Variants in PCDH7 observed in about 807,000 individuals in gnomAD.
PCDH7 encodes protocadherin-7.
Under a neutral mutation model 58.9 loss-of-function variants are expected in PCDH7, and 17 were observed. The observed-to-expected ratio is 0.29, with a 90% confidence interval of 0.20 to 0.43. The LOEUF (loss-of-function observed/expected upper bound fraction) is 0.43, where lower values mean the gene tolerates loss of function less well. Among genes scored for constraint, PCDH7 ranks in the 20% least tolerant of loss-of-function variants. PCDH7 has a pLI of 1.00. For missense variants in PCDH7, 1,274 were observed against 1,441.0 expected, an observed-to-expected ratio of 0.88 and a Z score of 1.88; for synonymous variants, 664 against 616.4, an observed-to-expected ratio of 1.08 and a Z score of -1.14.
intron 1 of PCDH7, among the ~76,000 whole-genome samples, chr4:30,861,432 A>T (rs2109354435): frequency 6.6e-6 from 1 of 152,298 alleles, no homozygotes; most frequent in Non-Finnish European, 1.5e-5. Flanking sequence ...AAATAGTTAT[A>T]TGCACAATGT....
intron 1 of PCDH7, 40 bp from the exon 2 acceptor site, chr4:30,920,113 T>G (rs1742990530): frequency 7.5e-7 from 1 of 1,327,434 alleles, no homozygotes; most frequent in Admixed American, 1.9e-5. Context: ...TCATTTACAA[T>G]CTTACATCGT....
chr4:30,733,937 T>C (rs182780545), downstream of PCDH7, among the ~76,000 whole-genome samples: 7 of 152,322 alleles, frequency 4.6e-5, no homozygotes, highest in East Asian at 1.4e-3. Context: ...AAATCATGCT[T>C]GTGGGATTAA....
intron 1 of PCDH7, among the ~76,000 whole-genome samples, chr4:30,782,916 T>A (rs1360852970): frequency 2.0e-5 from 3 of 152,062 alleles, no homozygotes; most frequent in Non-Finnish European, 4.4e-5. Context: ...AAGGGGAAGG[T>A]GAGAGTTGGC....
At chr4:31,002,301 T>C (rs773580377) in intron 3 of PCDH7, among the ~76,000 whole-genome samples, 3 of 152,252 alleles carry the variant, frequency 2.0e-5, no homozygotes, top group Non-Finnish European at 2.9e-5. Flanking sequence ...CAGCAGTGCG[T>C]GTTCACACAG....
At chr4:31,070,820 C>T (rs1365109783) in intron 3 of PCDH7, among the ~76,000 whole-genome samples, 1 of 152,054 alleles carries the variant, frequency 6.6e-6, no homozygotes, top group African/African-American at 2.4e-5. Context: ...TTGTCCCAGA[C>T]TTTTATATTC....
chr4:31,142,696 G>A (rs1443978256), exon 4 of PCDH7: 1 of 1,367,658 alleles, frequency 7.3e-7, no homozygotes, highest in East Asian at 4.6e-5. Flanking sequence ...GAAACCTCCT[G>A]AACAAAAAGT....
chr4:30,752,783 C>CAAAAAAAAAAAAAAAA (rs35860745), intron 1 of PCDH7, among the ~76,000 whole-genome samples: 2 of 99,556 alleles, frequency 2.0e-5, no homozygotes, highest in Admixed American at 1.1e-4. Flanking sequence ...CCTGTAGGGG[C>CAAAAAAAAAAAAAAAA]AAAAAAAAAA....
intron 1 of PCDH7, among the ~76,000 whole-genome samples, chr4:30,908,880 A>C (rs1281622876): frequency 6.6e-6 from 1 of 152,202 alleles, no homozygotes; most frequent in East Asian, 1.9e-4. Flanking sequence ...ACACAGAAAA[A>C]AGAAAATTTC....
intron 3 of PCDH7, among the ~76,000 whole-genome samples, chr4:30,965,181 T>C (rs1165615777): frequency 3.9e-5 from 6 of 152,182 alleles, no homozygotes; most frequent in Admixed American, 3.9e-4. Context: ...TAATTTACAT[T>C]TTAATCATAC....
intron 1 of PCDH7, among the ~76,000 whole-genome samples, chr4:30,872,718 A>T (rs1735780486): frequency 6.6e-6 from 1 of 152,108 alleles, no homozygotes; most frequent in Non-Finnish European, 1.5e-5. Context: ...GTAGTTTTTT[A>T]CATAGCACTT....
intron 3 of PCDH7, among the ~76,000 whole-genome samples, chr4:31,039,363 G>A (rs930122559): frequency 1.3e-5 from 2 of 152,152 alleles, no homozygotes; most frequent in African/African-American, 2.4e-5. Context: ...AGTCTGTTGG[G>A]TACAGTTTAT....
intron 1 of PCDH7, among the ~76,000 whole-genome samples, chr4:30,889,372 T>C (rs549823116): frequency 2.0e-5 from 3 of 151,996 alleles, no homozygotes; most frequent in East Asian, 3.9e-4. Flanking sequence ...TCCTTATTAT[T>C]ATAAGCTATG....
At chr4:31,008,527 A>T (rs1306448815) in intron 3 of PCDH7, among the ~76,000 whole-genome samples, 1 of 152,206 alleles carries the variant, frequency 6.6e-6, no homozygotes, top group Admixed American at 6.5e-5. Flanking sequence ...TGGTGAAAAT[A>T]TAAGTAATAC....
At chr4:30,929,948 A>G (rs79926491) in intron 2 of PCDH7, among the ~76,000 whole-genome samples, 4 of 152,356 alleles carry the variant, frequency 2.6e-5, no homozygotes, top group African/African-American at 4.8e-5. Flanking sequence ...GTAGAGTGTT[A>G]TAAGAATCCA....
chr4:30,862,273 G>A (rs895728135), intron 1 of PCDH7, among the ~76,000 whole-genome samples: 1 of 152,154 alleles, frequency 6.6e-6, no homozygotes, highest in African/African-American at 2.4e-5. Context: ...TGCTCTCCAG[G>A]AATTTCAGAG....
intron 3 of PCDH7, among the ~76,000 whole-genome samples, chr4:31,067,484 G>A (rs114460443): frequency 6.6e-6 from 1 of 151,728 alleles, no homozygotes; most frequent in African/African-American, 2.4e-5. Flanking sequence ...TGAAAAATGA[G>A]GATCGTGCCA....
At chr4:30,767,283 G>A (rs1337782519) in intron 1 of PCDH7, among the ~76,000 whole-genome samples, 1 of 152,166 alleles carries the variant, frequency 6.6e-6, no homozygotes, top group Non-Finnish European at 1.5e-5. Context: ...TGTCAGGTAA[G>A]AATTAGCGGT....
Position 30,765,118 on chromosome 4 carries a change from T to G in PCDH7, c.70+40522T>G, listed in dbSNP as rs141490624. On this transcript the variant is annotated intron_variant, in intron 1 of 3. Transcript: ENST00000509759. Reference sequence around the variant, plus strand: ...ACTTAAGGGAAAGAGAGATAGGACTTCAGATGCTTTTTTTTTTTTTTTTTT... The same window carrying G: ...ACTTAAGGGAAAGAGAGATAGGACTGCAGATGCTTTTTTTTTTTTTTTTTT... Among the ~76,000 whole-genome samples, 281 of 146,508 alleles carry G rather than the reference T, an allele frequency of 1.9e-3. 1 individual carries two copies. The highest frequency in any genetic ancestry group is 6.6e-3 in the African/African-American group (260 of 39,562).
At chr4:30,916,560 A>G (rs1742498618) in intron 1 of PCDH7, among the ~76,000 whole-genome samples, 1 of 152,134 alleles carries the variant, frequency 6.6e-6, no homozygotes, top group Non-Finnish European at 1.5e-5. Context: ...TTTCTCTTCT[A>G]TTAGATAGAC....
Sources: allele counts gnomAD v4.1 joint callset (sites outside exome capture counted in the v4.1 genomes callset), GRCh38; gene constraint gnomAD v4.1.1; transcripts MANE v1.5; gene names NCBI Gene and HGNC (gene_info 2026-07-23, HGNC 2026-07-21).